The following PIK3C2G variants were observed in gnomAD, a reference collection of about 807,000 sequenced individuals.
The protein encoded by PIK3C2G is phosphatidylinositol 3-kinase C2 domain-containing subunit gamma.
In PIK3C2G, 168 loss-of-function variants were observed where a neutral mutation model predicts 181.1. The observed-to-expected ratio is 0.93, with a 90% confidence interval of 0.82 to 1.05. The LOEUF (loss-of-function observed/expected upper bound fraction) is 1.05. Ranked by LOEUF, PIK3C2G falls within the 50% of genes least tolerant of loss-of-function variation. The pLI is 0.00. For missense variants in PIK3C2G, 1,869 were observed against 1,732.8 expected, an observed-to-expected ratio of 1.08 and a Z score of -1.40; for synonymous variants, 573 against 592.2, an observed-to-expected ratio of 0.97 and a Z score of 0.47.
chr12:18,273,628 C>G (rs1160131969), intron 1 of PIK3C2G, among the ~76,000 whole-genome samples: 1 of 152,078 alleles, frequency 6.6e-6, no homozygotes, highest in Non-Finnish European at 1.5e-5. Context: ...TGGATCCCTT[C>G]TTTACACCTT....
intron 28 of PIK3C2G, among the ~76,000 whole-genome samples, chr12:18,566,320 T>C (rs1208362013): frequency 1.3e-5 from 2 of 152,170 alleles, no homozygotes; most frequent in African/African-American, 4.8e-5. Context: ...TGCTAGGTAG[T>C]TCCTAAAAGG....
chr12:18,553,994 A>G (rs1166762910), intron 26 of PIK3C2G, among the ~76,000 whole-genome samples: 2 of 152,076 alleles, frequency 1.3e-5, no homozygotes, highest in African/African-American at 2.4e-5. Flanking sequence ...GCAATCAGTT[A>G]TGTTTTATAA....
At chr12:18,450,695 T>C (rs1947298905) in intron 18 of PIK3C2G, among the ~76,000 whole-genome samples, 1 of 152,200 alleles carries the variant, frequency 6.6e-6, no homozygotes, top group African/African-American at 2.4e-5. Context: ...GGTTTTCTTC[T>C]AGGGTTTTTA....
the PIK3C2G span, among the ~76,000 whole-genome samples, chr12:18,662,267 C>A: frequency 6.6e-6 from 1 of 151,638 alleles, no homozygotes; most frequent in African/African-American, 2.4e-5. Flanking sequence ...CTGCAACATG[C>A]AACTTACCTA....
chr12:18,661,202 T>C, the PIK3C2G span, among the ~76,000 whole-genome samples: 1 of 152,110 alleles, frequency 6.6e-6, no homozygotes, highest in Admixed American at 6.6e-5. Flanking sequence ...GTAAGAGTTC[T>C]GCAAGAAGAG....
At chr12:18,725,125 C>G in the PIK3C2G span, among the ~76,000 whole-genome samples, 17 of 152,102 alleles carry the variant, frequency 1.1e-4, no homozygotes, top group African/African-American at 3.9e-4. Flanking sequence ...AAATGTTAAT[C>G]AAATTACAGA....
intron 25 of PIK3C2G, among the ~76,000 whole-genome samples, chr12:18,538,726 A>G (rs1943997048): frequency 1.3e-5 from 2 of 151,676 alleles, no homozygotes; most frequent in Non-Finnish European, 2.9e-5. Flanking sequence ...TCCATTCCAA[A>G]CTCCACCTTT....
At chr12:18,668,678 C>T in the PIK3C2G span, among the ~76,000 whole-genome samples, 1 of 152,150 alleles carries the variant, frequency 6.6e-6, no homozygotes, top group African/African-American at 2.4e-5. Context: ...CACTTCAGGC[C>T]AACTCACCTC....
In PIK3C2G at chr12:18,290,853, A is replaced by C. The variant is rs753121730; in HGVS notation, c.762-2A>C. The C allele has an allele frequency of 2.5e-6, 4 of 1,586,540 alleles. No homozygotes were observed. Among genetic ancestry groups the C allele is most frequent in the South Asian group, 1.1e-5 (1 of 89,732 alleles). On this transcript the variant is annotated splice_acceptor_variant, in intron 3 of 32. Transcript: ENST00000538779. LOFTEE classifies it high-confidence loss of function. ...GTATTTTTCTTAACATATGTTTTTC[A>C]GAATCAGAGAAAGATATCATGCAGC...
chr12:18,505,272 A>G lies in PIK3C2G; in HGVS notation c.3154-20A>G. 1 of 1,557,502 alleles carries G rather than the reference A, an allele frequency of 6.4e-7. No homozygotes were observed. Among genetic ancestry groups the G allele is most frequent in the Non-Finnish European group, 8.7e-7 (1 of 1,146,222 alleles). ...CATTTTTTGTTGTTATTTTTGCATG[A>G]TTGTTTTTCAATGAATTAGGCCTTG... On this transcript the variant is annotated intron_variant, in intron 23 of 32. Transcript: ENST00000538779.
In PIK3C2G at chr12:18,570,547, C is replaced by T. The variant is rs1291919554; in HGVS notation, c.4011+3490C>T. 1.3e-5 allele frequency among the ~76,000 whole-genome samples: 2 copies of T among 149,994 alleles called. 1 individual carries two copies. Among genetic ancestry groups the T allele is most frequent in the African/African-American group, 5.0e-5 (2 of 39,868 alleles). ...TTTATTAATACACACACTCAAGCAG[C>T]AAGTAGAGAACAAGAGAGAGAGGGC... On this transcript the variant is annotated intron_variant, in intron 29 of 32. Coordinates refer to ENST00000538779, the MANE Select transcript of PIK3C2G (RefSeq NM_001288772.2).
the PIK3C2G span, chr12:18,694,108 G>A: frequency 1.3e-5 from 13 of 1,008,998 alleles, no homozygotes; most frequent in African/African-American, 1.5e-4. Flanking sequence ...AGTGAACTAC[G>A]GCTGCCATCA....
chr12:18,313,084 A>C (rs1950707599), intron 5 of PIK3C2G, among the ~76,000 whole-genome samples: 1 of 152,154 alleles, frequency 6.6e-6, no homozygotes, highest in African/African-American at 2.4e-5. Flanking sequence ...AATGTGCATT[A>C]ACATAACTCA....
the PIK3C2G span, chr12:18,719,523 A>T: frequency 6.3e-7 from 1 of 1,586,716 alleles, no homozygotes; most frequent in Non-Finnish European, 8.6e-7. Flanking sequence ...CATTTAATGG[A>T]TGAGTCATAT....
intron 1 of PIK3C2G, among the ~76,000 whole-genome samples, chr12:18,281,627 G>C (rs1949222154): frequency 6.6e-6 from 1 of 152,122 alleles, no homozygotes; most frequent in East Asian, 1.9e-4. Context: ...GTCAAGAAGA[G>C]ACTGTTTAGC....
At chr12:18,253,706 T>A (rs1372657347) in intron 1 of PIK3C2G, among the ~76,000 whole-genome samples, 4 of 152,208 alleles carry the variant, frequency 2.6e-5, no homozygotes, top group African/African-American at 9.6e-5. Flanking sequence ...CTATAACTAT[T>A]TATGTGTTTC....
chr12:18,711,558 T>TAATAATAATAAA, the PIK3C2G span, among the ~76,000 whole-genome samples: 1 of 149,092 alleles, frequency 6.7e-6, no homozygotes, highest in African/African-American at 2.5e-5. Flanking sequence ...ATAATAATAA[T>TAATAATAATAAA]AAAAGTAAAG....
At chr12:18,689,350 G>A in the PIK3C2G span, among the ~76,000 whole-genome samples, 1 of 152,176 alleles carries the variant, frequency 6.6e-6, no homozygotes, top group African/African-American at 2.4e-5. Flanking sequence ...GGGCAAGCTT[G>A]TCCAACCTGC....
chr12:18,667,147 A>C, the PIK3C2G span, among the ~76,000 whole-genome samples: 2 of 152,206 alleles, frequency 1.3e-5, no homozygotes, highest in Non-Finnish European at 1.5e-5. Context: ...AAGGGGTCTC[A>C]AATAAGGTCT....
Sources: allele counts gnomAD v4.1 joint callset (sites outside exome capture counted in the v4.1 genomes callset), GRCh38; gene constraint gnomAD v4.1.1; transcripts MANE v1.5; gene names NCBI Gene and HGNC (gene_info 2026-07-23, HGNC 2026-07-21).